DSE: variants seen among roughly 807,000 people sequenced by gnomAD.
DSE encodes the protein dermatan sulfate epimerase.
Under a neutral mutation model 84.4 loss-of-function variants are expected in DSE, and 36 were observed. That is an observed-to-expected ratio of 0.43 (90% CI 0.33 to 0.56). The LOEUF (loss-of-function observed/expected upper bound fraction) is 0.56. Among genes scored for constraint, DSE ranks in the 20% least tolerant of loss-of-function variants. DSE has a pLI of 0.06. For missense variants in DSE, 862 were observed against 1,169.6 expected (o/e 0.74, Z 3.84); for synonymous variants, 410 against 430.1 (o/e 0.95, Z 0.58).
At chr6:116,271,695 C>T (rs758251613) in intron 2 of DSE, among the ~76,000 whole-genome samples, 13 of 152,118 alleles carry the variant, frequency 8.5e-5, no homozygotes, top group Non-Finnish European at 1.6e-4. Flanking sequence ...AATCATGCAA[C>T]AGTAAGAACT....
At position 116,440,282 on chromosome 6, in the gene DSE, TACTC is replaced by T. The variant is rs1222099764; in HGVS notation, c.*2939_*2942del. On this transcript the variant is annotated 3_prime_UTR_variant, in exon 6 of 6. Coordinates refer to ENST00000644252, the MANE Select transcript of DSE (RefSeq NM_013352.4). ...TGAAAAGGAAAATTTACATTTGACT[TACTC>T]AGTTTTTAAAAAATTATTTTTATTT... 2 of 152,192 alleles carry T rather than the reference TACTC, an allele frequency of 1.3e-5. No homozygotes were observed. Among genetic ancestry groups the T allele is most frequent in the Non-Finnish European group, 2.9e-5 (2 of 68,034 alleles). 9.4% of individuals were successfully genotyped at this position (152,192 alleles called of 1,614,324 possible). A position where few individuals can be genotyped will look rare whatever the true frequency, so the allele number is the denominator to read the frequency against.
chr6:116,303,679 T>A lies in DSE; in HGVS notation c.-54+44712T>A, dbSNP rs1277930541. Among the ~76,000 whole-genome samples the A allele has an allele frequency of 2.0e-5, 3 of 151,984 alleles. No homozygotes were observed. In the East Asian group the frequency reaches 5.8e-4, roughly 29 times the overall value. ...TAGGGGAGGGCTGGTTGGGGAAGGATGCTGGTAGGCCCTATTCTTAAAAAG... is the reference window on the plus strand; with the variant it reads ...TAGGGGAGGGCTGGTTGGGGAAGGAAGCTGGTAGGCCCTATTCTTAAAAAG... On this transcript the variant is annotated intron_variant, in intron 2 of 3. Transcript: ENST00000430252.
chr6:116,362,042 A>G (rs1225032786), intron 2 of DSE, among the ~76,000 whole-genome samples: 1 of 152,226 alleles, frequency 6.6e-6, no homozygotes, highest in African/African-American at 2.4e-5. Flanking sequence ...CCTCAGAGAT[A>G]TTCTGCACCA....
chr6:116,376,265 C>G (rs1779922195), intron 1 of DSE, among the ~76,000 whole-genome samples: 1 of 152,200 alleles, frequency 6.6e-6, no homozygotes, highest in South Asian at 2.1e-4. Context: ...CTGCAAAGCC[C>G]TGGGCCGATT....
chr6:116,389,783 G>T (rs1780778532), intron 1 of DSE, among the ~76,000 whole-genome samples: 2 of 152,108 alleles, frequency 1.3e-5, no homozygotes, highest in Non-Finnish European at 2.9e-5. Flanking sequence ...GCCATAGCTT[G>T]TCCTTCAGAC....
rs1360025886 is a variant in DSE at position 116,259,268 on chromosome 6, A to T, written c.-54+301A>T. ...TATTTTAAAATATAAATGCTTTGAC[A>T]TGCCAGCACTTTACAGCATGATAAA... On this transcript the variant is annotated intron_variant, in intron 2 of 3. Coordinates refer to the DSE transcript ENST00000430252. 3 of 571,940 alleles carry T rather than the reference A, an allele frequency of 5.2e-6. No homozygotes were observed. The East Asian group carries it at 8.9e-5, about 17-fold the overall frequency. 35.4% of individuals were successfully genotyped at this position (571,940 alleles called of 1,614,324 possible). A position where few individuals can be genotyped will look rare whatever the true frequency, so the allele number is the denominator to read the frequency against.
chr6:116,392,456 A>G (rs1780970172), intron 1 of DSE, among the ~76,000 whole-genome samples: 2 of 152,134 alleles, frequency 1.3e-5, no homozygotes, highest in Admixed American at 1.3e-4. Context: ...CTAATCATGT[A>G]ACTAACTATG....
intron 2 of DSE, among the ~76,000 whole-genome samples, chr6:116,361,167 C>A (rs1300439325): frequency 6.6e-6 from 1 of 151,994 alleles, no homozygotes; most frequent in African/African-American, 2.4e-5. Context: ...TCAGGCGATT[C>A]TTCTGCCTTA....
intron 2 of DSE, among the ~76,000 whole-genome samples, chr6:116,290,520 C>G (rs1355202550): frequency 1.3e-5 from 2 of 152,102 alleles, no homozygotes; most frequent in Admixed American, 1.3e-4. Context: ...TCTAGATTCT[C>G]AGACTTGGGG....
At chr6:116,365,103 G>A (rs890237302) in intron 2 of DSE, among the ~76,000 whole-genome samples, 2 of 152,116 alleles carry the variant, frequency 1.3e-5, no homozygotes, top group African/African-American at 4.8e-5. Flanking sequence ...CTCCCAAAGT[G>A]CTGGGATTAC....
At position 116,399,853 on chromosome 6, in the gene DSE, A is replaced by G. The variant is rs572027041; in HGVS notation, c.416+187A>G. 1.5e-4 allele frequency: 86 copies of G among 587,840 alleles called. 1 individual carries two copies. The South Asian group carries it at 2.1e-3, about 14-fold the overall frequency. 36.4% of individuals were successfully genotyped at this position (587,840 alleles called of 1,614,324 possible). A position where few individuals can be genotyped will look rare whatever the true frequency, so the allele number is the denominator to read the frequency against. ...AGTTTCAAAAGATGTAGTAACTTCC[A>G]TGTTTAAAGTTAGAAGGAAAATATT... On this transcript the variant is annotated intron_variant, in intron 2 of 5. Transcript: ENST00000644252.
At chr6:116,278,363 A>C in intron 2 of DSE, 1 of 903,278 alleles carries the variant, frequency 1.1e-6, no homozygotes, top group Non-Finnish European at 1.7e-6. Flanking sequence ...CTCAATCTTG[A>C]GGTTGAGAGA....
intron 2 of DSE, among the ~76,000 whole-genome samples, chr6:116,347,249 C>T (rs1357034260): frequency 6.6e-6 from 1 of 152,164 alleles, no homozygotes; most frequent in African/African-American, 2.4e-5. Flanking sequence ...TGACTTTCTT[C>T]ACAGAATTGG....
rs1784434079 is a variant in DSE, at chr6:116,441,752, T to G, written c.*4407T>G. 1 of 152,214 alleles carries G rather than the reference T, an allele frequency of 6.6e-6. No individual in the cohort carries two copies. Among genetic ancestry groups the G allele is most frequent in the Non-Finnish European group, 1.5e-5 (1 of 68,034 alleles). The allele number at this position is 152,214 out of a possible 1,614,324, so 9.4% of individuals were successfully genotyped here. ...AGGAAGGAACTGAAGGAAATTTATATATTGAGTGCAGTATGTTTAAATGGA... is the reference window on the plus strand; with the variant it reads ...AGGAAGGAACTGAAGGAAATTTATAGATTGAGTGCAGTATGTTTAAATGGA... On this transcript the variant is annotated 3_prime_UTR_variant, in exon 6 of 6. Coordinates refer to ENST00000644252, the MANE Select transcript of DSE (RefSeq NM_013352.4).
chr6:116,414,899 T>G (rs1173895902), intron 2 of DSE, among the ~76,000 whole-genome samples: 7 of 152,254 alleles, frequency 4.6e-5, no homozygotes, highest in African/African-American at 1.7e-4. Flanking sequence ...GTGTAAGTTT[T>G]CTATCTATTC....
At chr6:116,343,024 C>T (rs548489904) in intron 2 of DSE, among the ~76,000 whole-genome samples, 33 of 152,206 alleles carry the variant, frequency 2.2e-4, no homozygotes, top group African/African-American at 7.0e-4. Context: ...GAGGGTCCCA[C>T]GCCCACGGAG....
At chr6:116,412,896 T>G (rs1368905004) in intron 2 of DSE, 25 of 151,474 alleles carry the variant, frequency 1.7e-4, no homozygotes, top group Non-Finnish European at 4.4e-5. Flanking sequence ...TGTTCCTGTA[T>G]GTCCATGTGT....
intron 2 of DSE, among the ~76,000 whole-genome samples, chr6:116,270,203 A>G (rs111500847): frequency 2.4e-4 from 37 of 152,294 alleles, no homozygotes; most frequent in South Asian, 1.4e-3. Context: ...TCAGTGCTCA[A>G]TGCTCACCTT....
chr6:116,399,734 T>C, intron 2 of DSE, 68 bp downstream of exon 2: 2 of 1,454,522 alleles, frequency 1.4e-6, no homozygotes, highest in Non-Finnish European at 1.9e-6. Context: ...CCATATGACA[T>C]CTCAGTGGCC....
Sources: gnomAD v4.1 joint callset for allele counts (sites outside exome capture counted in the v4.1 genomes callset) on GRCh38, gnomAD v4.1.1 for gene constraint, MANE v1.5 for transcripts, NCBI Gene and HGNC (gene_info 2026-07-23, HGNC 2026-07-21) for gene names.